Variants in N4BP2 observed in about 807,000 individuals in gnomAD.
The protein encoded by N4BP2 is NEDD4-binding protein 2.
N4BP2 carries 91 observed loss-of-function variants against 152.8 expected under a neutral mutation model. The observed-to-expected ratio is 0.60, with a 90% confidence interval of 0.50 to 0.71. N4BP2 has a LOEUF of 0.71. N4BP2 is among the 30% of genes least tolerant of loss of function. N4BP2 has a pLI of 0.00. For synonymous variants in N4BP2, 646 were observed against 705.3 expected, an observed-to-expected ratio of 0.92 and a Z score of 1.33; for missense variants, 1,923 against 2,059.1, an observed-to-expected ratio of 0.93 and a Z score of 1.28.
intron 2 of N4BP2, among the ~76,000 whole-genome samples, chr4:40,080,251 G>A (rs1713217309): frequency 6.6e-6 from 1 of 151,916 alleles, no homozygotes; most frequent in Admixed American, 6.6e-5. Flanking sequence ...AGTAGAATAT[G>A]TGGGATTGAG....
At chr4:40,063,303 G>A (rs1733801279) in intron 1 of N4BP2, among the ~76,000 whole-genome samples, 1 of 152,174 alleles carries the variant, frequency 6.6e-6, no homozygotes, top group African/African-American at 2.4e-5. Flanking sequence ...GAGCTAGGGT[G>A]GGAACTTTCC....
At chr4:40,142,009 G>C (rs1226730090) in intron 14 of N4BP2, among the ~76,000 whole-genome samples, 1 of 152,096 alleles carries the variant, frequency 6.6e-6, no homozygotes, top group African/African-American at 2.4e-5. Context: ...AATCAGGCAG[G>C]GAGGTTGCAG....
intron 3 of N4BP2, among the ~76,000 whole-genome samples, chr4:40,101,766 A>G (rs1715678542): frequency 6.6e-6 from 1 of 152,210 alleles, no homozygotes; most frequent in Non-Finnish European, 1.5e-5. Flanking sequence ...TAATATGTCC[A>G]ATTACAGATA....
chr4:40,182,618 A>AT, the N4BP2 span, among the ~76,000 whole-genome samples: 4 of 148,796 alleles, frequency 2.7e-5, no homozygotes, highest in Admixed American at 6.7e-5. Flanking sequence ...CCGGGCTAAA[A>AT]TTTTTTTTTT....
At position 40,120,692 on chromosome 4, in the gene N4BP2, G is replaced by C. The variant is rs775694988; in HGVS notation, c.2581G>C (p.Glu861Gln). Residue 861 changes from glutamate (E) to glutamine (Q), a missense_variant, in exon 9 of 18, where the codon GAG becomes CAG. Transcript: ENST00000261435. ...GRKSQCDDAS[E>Q]PLNSYKYDAY... ...AAAGTCACAGTGTGATGATGCTTCAGAGCCACTCAATAGCTATAAATATGA... is the reference window on the plus strand; with the variant it reads ...AAAGTCACAGTGTGATGATGCTTCACAGCCACTCAATAGCTATAAATATGA... The C allele has an allele frequency of 6.2e-7, 1 of 1,614,128 alleles. No homozygotes were observed. The highest frequency in any genetic ancestry group is 1.1e-5 in the South Asian group (1 of 91,082).
chr4:40,178,488 A>G, the N4BP2 span, among the ~76,000 whole-genome samples: 1 of 152,232 alleles, frequency 6.6e-6, no homozygotes, highest in Non-Finnish European at 1.5e-5. Context: ...CACAGATATG[A>G]AAGAGATTGA....
the N4BP2 span, among the ~76,000 whole-genome samples, chr4:40,175,981 T>C: frequency 0.1 from 15,392 of 151,374 alleles, 1,231 homozygotes; most frequent in East Asian, 0.47. Flanking sequence ...TCCCAGCTAC[T>C]TGGGAGGCTG....
chr4:40,126,489 G>A lies in N4BP2; in HGVS notation c.4527+159G>A, dbSNP rs113057026. Among the ~76,000 whole-genome samples the A allele has an allele frequency of 4.2e-3, 639 of 152,296 alleles. 4 individuals carry two copies. The highest frequency in any genetic ancestry group is 0.015 in the African/African-American group (608 of 41,556). ...AAAAATATTTTAAGTATAATTTGAA[G>A]CTGGAGGTTTTTGCTTCAGGGAAAT... On this transcript the variant is annotated intron_variant, in intron 12 of 17. Coordinates refer to ENST00000261435, the MANE Select transcript of N4BP2 (RefSeq NM_018177.6).
chr4:40,094,922 T>C (rs1207677916), intron 2 of N4BP2, among the ~76,000 whole-genome samples: 1 of 151,856 alleles, frequency 6.6e-6, no homozygotes, highest in Non-Finnish European at 1.5e-5. Flanking sequence ...GCCTCTCGAG[T>C]AGCCGGGACT....
intron 5 of N4BP2, among the ~76,000 whole-genome samples, chr4:40,109,080 GCTGGGATTA>G (rs972538434): frequency 5.3e-5 from 8 of 151,790 alleles, no homozygotes; most frequent in African/African-American, 1.7e-4. Context: ...CTCCCGAAGT[GCTGGGATTA>G]CAGACATGAG....
intron 17 of N4BP2, among the ~76,000 whole-genome samples, chr4:40,153,986 C>G (rs1448606391): frequency 6.6e-6 from 1 of 152,132 alleles, no homozygotes; most frequent in South Asian, 2.1e-4. Flanking sequence ...CAAGAGCAAC[C>G]TCCAGCTTTA....
chr4:40,067,588 A>AT (rs1470586453), intron 1 of N4BP2, among the ~76,000 whole-genome samples: 3 of 151,956 alleles, frequency 2.0e-5, no homozygotes, highest in Non-Finnish European at 4.4e-5. Flanking sequence ...TCTGTTTTTA[A>AT]TTTTTTGAGG....
intron 2 of N4BP2, among the ~76,000 whole-genome samples, chr4:40,074,460 C>T (rs527583767): frequency 2.6e-5 from 4 of 151,950 alleles, no homozygotes; most frequent in Admixed American, 6.6e-5. Flanking sequence ...CCGCCTGCCT[C>T]GGCCTCCCAA....
At chr4:40,064,399 T>G (rs1260278802) in intron 1 of N4BP2, among the ~76,000 whole-genome samples, 1 of 151,930 alleles carries the variant, frequency 6.6e-6, no homozygotes, top group African/African-American at 2.4e-5. Context: ...CTCAGCCTCC[T>G]GAGTAGCTGG....
chr4:40,058,116 A>G (rs1371531018), intron 1 of N4BP2, among the ~76,000 whole-genome samples: 2 of 152,222 alleles, frequency 1.3e-5, no homozygotes, highest in African/African-American at 2.4e-5. Flanking sequence ...CTCAGAAAAC[A>G]ATGACTGATT....
At chr4:40,189,927 C>T in the N4BP2 span, among the ~76,000 whole-genome samples, 1 of 151,838 alleles carries the variant, frequency 6.6e-6, no homozygotes, top group Non-Finnish European at 1.5e-5. The surrounding 1 kb of genome is among the most constrained non-coding windows in gnomAD (Gnocchi z 4.3). Context: ...CACATACACA[C>T]ACACACACAC....
At chr4:40,146,852 T>C in intron 16 of N4BP2, among the ~76,000 whole-genome samples, 1 of 149,596 alleles carries the variant, frequency 6.7e-6, no homozygotes, top group Non-Finnish European at 1.5e-5. Context: ...CATTCTATTA[T>C]GTTTCTATGT....
At chr4:40,177,637 GA>G in the N4BP2 span, among the ~76,000 whole-genome samples, 3 of 151,448 alleles carry the variant, frequency 2.0e-5, no homozygotes, top group African/African-American at 4.9e-5. Context: ...TAAATAAGAA[GA>G]AAAAAAATAA....
chr4:40,177,930 T>G, the N4BP2 span, among the ~76,000 whole-genome samples: 1 of 152,150 alleles, frequency 6.6e-6, no homozygotes, highest in Non-Finnish European at 1.5e-5. Context: ...AAATAAATGC[T>G]TTTGTTATGA....
Sources: gnomAD v4.1 joint callset for allele counts (sites outside exome capture counted in the v4.1 genomes callset) on GRCh38, gnomAD v4.1.1 for gene constraint, Gnocchi (gnomAD v3.1) non-coding constraint, MANE v1.5 for transcripts, NCBI Gene and HGNC (gene_info 2026-07-23, HGNC 2026-07-21) for gene names.